Variants in BABAM2 observed in about 807,000 individuals in gnomAD.
The protein encoded by BABAM2 is BRISC and BRCA1 A complex member 2.
BABAM2 carries 31 observed loss-of-function variants against 54.7 expected under a neutral mutation model. That is an observed-to-expected ratio of 0.57 (90% confidence interval 0.43 to 0.77). BABAM2 has a LOEUF of 0.77. Among genes scored for constraint, BABAM2 ranks in the 30% least tolerant of loss-of-function variants. The probability of loss-of-function intolerance (pLI) is 0.00; values close to 1 mark genes in which losing one functional copy is unlikely to be tolerated. For synonymous variants in BABAM2, 167 were observed against 162.9 expected (o/e 1.03, Z -0.19); for missense variants, 364 against 455.8 (o/e 0.80, Z 1.83).
At chr2:27,889,261 T>C (rs1345015547), upstream of BABAM2, among the ~76,000 whole-genome samples, 3 of 152,224 alleles carry the variant, frequency 2.0e-5, no homozygotes, top group Non-Finnish European at 4.4e-5. Context: ...AGCAATTTGG[T>C]GACTTATTTT....
chr2:28,203,544 C>CT (rs201209297), intron 7 of BABAM2, among the ~76,000 whole-genome samples: 2,575 of 152,266 alleles, frequency 0.017, 35 homozygotes, highest in Middle Eastern at 0.061. Context: ...CATCTTTTTA[C>CT]TTTTTCATCT....
At chr2:28,056,574 C>T (rs1678444193) in intron 6 of BABAM2, among the ~76,000 whole-genome samples, 1 of 151,928 alleles carries the variant, frequency 6.6e-6, no homozygotes, top group South Asian at 2.1e-4. Context: ...TACCCTGTCC[C>T]CATTTATAGT....
At chr2:27,908,030 A>AC (rs1288023871) in intron 2 of BABAM2, among the ~76,000 whole-genome samples, 5 of 152,280 alleles carry the variant, frequency 3.3e-5, no homozygotes, top group African/African-American at 9.6e-5. Context: ...TTGCGTATAT[A>AC]CCCAGAAGTA....
rs1188695543 is a variant in BABAM2 at position 28,304,028 on chromosome 2, G to A, written c.1088+5537G>A. On this transcript the variant is annotated intron_variant, in intron 11 of 11. Transcript: ENST00000379624. This position sits in a 1 kb window ranked among gnomAD's most constrained non-coding sequence, Gnocchi z 4.0. ...CCTGAGTACCCAGGACTACAGACGTGTGCCACCACACCCAGCTAATTTTTG... is the reference window on the plus strand; with the variant it reads ...CCTGAGTACCCAGGACTACAGACGTATGCCACCACACCCAGCTAATTTTTG... 2.0e-5 allele frequency among the ~76,000 whole-genome samples: 3 copies of A among 151,972 alleles called. No individual in the cohort carries two copies. Among genetic ancestry groups the A allele is most frequent in the Non-Finnish European group, 4.4e-5 (3 of 68,004 alleles).
chr2:28,098,776 G>A (rs1666830547), intron 6 of BABAM2, among the ~76,000 whole-genome samples: 1 of 152,170 alleles, frequency 6.6e-6, no homozygotes, highest in Admixed American at 6.5e-5. Context: ...TCAAACCAAA[G>A]CTAGGGAAAG....
At chr2:28,286,323 T>C (rs1317372414) in intron 10 of BABAM2, among the ~76,000 whole-genome samples, 2 of 152,140 alleles carry the variant, frequency 1.3e-5, no homozygotes, top group African/African-American at 4.8e-5. Flanking sequence ...CTGGGGGCAT[T>C]ATAGGAAAGT....
chr2:28,087,964 A>G (rs774668052), intron 6 of BABAM2, among the ~76,000 whole-genome samples: 5 of 152,078 alleles, frequency 3.3e-5, no homozygotes, highest in Non-Finnish European at 5.9e-5. Flanking sequence ...TTTTGTTTCT[A>G]ATAAATCAGT....
chr2:27,969,385 G>C (rs1175520422), intron 3 of BABAM2, among the ~76,000 whole-genome samples: 2 of 152,152 alleles, frequency 1.3e-5, no homozygotes, highest in Admixed American at 1.3e-4. Flanking sequence ...AGCCAAAATA[G>C]GGTGCATTGA....
At chr2:27,932,328 T>A (rs6547815) in intron 3 of BABAM2, among the ~76,000 whole-genome samples, 107,334 of 152,044 alleles carry the variant, frequency 0.71, 38,818 homozygotes, top group Middle Eastern at 0.83. Flanking sequence ...GTCCTTTAAA[T>A]TCCTTCAAAG....
At chr2:27,954,459 C>G (rs1245085219) in intron 3 of BABAM2, among the ~76,000 whole-genome samples, 1 of 152,130 alleles carries the variant, frequency 6.6e-6, no homozygotes, top group Non-Finnish European at 1.5e-5. Context: ...TTCAAACATT[C>G]CCTTTATAAA....
chr2:27,967,121 A>T (rs748704967), intron 3 of BABAM2, among the ~76,000 whole-genome samples: 1 of 152,128 alleles, frequency 6.6e-6, no homozygotes, highest in Non-Finnish European at 1.5e-5. Context: ...GGTTCCTGAA[A>T]CAGAAGACCC....
chr2:27,911,438 G>A (rs983791779), intron 2 of BABAM2, among the ~76,000 whole-genome samples: 5 of 151,924 alleles, frequency 3.3e-5, no homozygotes, highest in African/African-American at 4.8e-5. Context: ...AGAAAGGGGT[G>A]GATTTGAAGG....
rs139607941 is a variant in BABAM2, at chr2:28,036,868, C to G, written c.496-8857C>G. ...CTGTCAAAACACTTACCATGTCGTA[C>G]TATTTTGTTTAATTGCCAGTCTAGT... On this transcript the variant is annotated intron_variant, in intron 5 of 11. Transcript: ENST00000379624. 6.3e-3 allele frequency among the ~76,000 whole-genome samples: 962 copies of G among 152,302 alleles called. 7 individuals carry two copies. The highest frequency in any genetic ancestry group is 7.8e-3 in the Non-Finnish European group (534 of 68,030).
At chr2:27,916,150 C>G (rs1411697732) in intron 2 of BABAM2, among the ~76,000 whole-genome samples, 1 of 151,970 alleles carries the variant, frequency 6.6e-6, no homozygotes, top group Non-Finnish European at 1.5e-5. Context: ...TTAGGCCTTC[C>G]CTATATGGAT....
At chr2:27,945,457 C>A (rs2148394226) in intron 3 of BABAM2, among the ~76,000 whole-genome samples, 1 of 152,290 alleles carries the variant, frequency 6.6e-6, no homozygotes, top group Non-Finnish European at 1.5e-5. Context: ...ACTACTGTAG[C>A]TTTATAGGAA....
intron 3 of BABAM2, among the ~76,000 whole-genome samples, chr2:27,932,692 G>A (rs1432649120): frequency 6.6e-6 from 1 of 152,154 alleles, no homozygotes; most frequent in Admixed American, 6.6e-5. Flanking sequence ...TCCGTGAGGA[G>A]CTTTTGCTTA....
intron 7 of BABAM2, among the ~76,000 whole-genome samples, chr2:28,185,574 C>T (rs544272798): frequency 3.3e-5 from 5 of 152,094 alleles, no homozygotes; most frequent in Admixed American, 6.5e-5. Context: ...ACTTTTATCT[C>T]GATGCATTTT....
intron 4 of BABAM2, among the ~76,000 whole-genome samples, chr2:27,993,120 G>A (rs1470507620): frequency 6.6e-6 from 1 of 152,210 alleles, no homozygotes. Context: ...GCCCTGGACT[G>A]AGGGGTTTTC....
At chr2:28,224,851 C>A (rs72807305) in intron 7 of BABAM2, among the ~76,000 whole-genome samples, 17,310 of 81,956 alleles carry the variant, frequency 0.21, 1,176 homozygotes, top group African/African-American at 0.3. Context: ...GGTAAATTGA[C>A]AAAAAAAAAA....
Sources: allele counts gnomAD v4.1 joint callset (sites outside exome capture counted in the v4.1 genomes callset), GRCh38; gene constraint gnomAD v4.1.1; non-coding constraint Gnocchi (gnomAD v3.1); transcripts MANE v1.5; gene names NCBI Gene and HGNC (gene_info 2026-07-23, HGNC 2026-07-21).